CTNNA3: variants seen among roughly 807,000 people sequenced by gnomAD.
The protein encoded by CTNNA3 is catenin alpha-3.
In CTNNA3, 76 loss-of-function variants were observed where a neutral mutation model predicts 95.7. The ratio of observed to expected loss-of-function variants is 0.79; its 90% CI spans 0.66 to 0.96. The LOEUF (loss-of-function observed/expected upper bound fraction) is 0.96. Ranked by LOEUF, CTNNA3 falls within the 40% of genes least tolerant of loss-of-function variation. The pLI, the probability that CTNNA3 is intolerant of heterozygous loss-of-function variation, is 0.00. For synonymous variants in CTNNA3, 431 were observed against 374.4 expected, an observed-to-expected ratio of 1.15 and a Z score of -1.74; for missense variants, 1,191 against 1,089.8, an observed-to-expected ratio of 1.09 and a Z score of -1.31.
intron 7 of CTNNA3, among the ~76,000 whole-genome samples, chr10:67,163,656 A>G (rs1434696722): frequency 1.3e-5 from 2 of 152,018 alleles, no homozygotes; most frequent in Non-Finnish European, 2.9e-5. Flanking sequence ...TAAAAGACAT[A>G]CAGATTTAAA....
chr10:66,497,691 TTGAC>T (rs899495983), intron 11 of CTNNA3, among the ~76,000 whole-genome samples: 16 of 152,202 alleles, frequency 1.1e-4, no homozygotes, highest in Admixed American at 3.9e-4. Flanking sequence ...TAAAGATCAT[TTGAC>T]TGCTGATAGA....
At chr10:67,155,216 A>T (rs540900299) in intron 7 of CTNNA3, among the ~76,000 whole-genome samples, 1 of 152,208 alleles carries the variant, frequency 6.6e-6, no homozygotes, top group African/African-American at 2.4e-5. Flanking sequence ...AGCTCAATAA[A>T]TATTTATCAA....
At chr10:67,522,002 G>A (rs1840003156) in intron 4 of CTNNA3, 41 bp from the exon 5 acceptor site, 1 of 1,579,506 alleles carries the variant, frequency 6.3e-7, no homozygotes, top group Middle Eastern at 1.7e-4. Flanking sequence ...GATAGCAGCA[G>A]ATTTTTCTCA....
chr10:66,276,303 T>C (rs988337785), intron 13 of CTNNA3, among the ~76,000 whole-genome samples: 1 of 152,108 alleles, frequency 6.6e-6, no homozygotes, highest in East Asian at 1.9e-4. Flanking sequence ...ACATGTGAAA[T>C]CTACATTCTG....
intron 12 of CTNNA3, among the ~76,000 whole-genome samples, chr10:66,344,742 C>A (rs2092489412): frequency 6.6e-6 from 1 of 152,008 alleles, no homozygotes; most frequent in Admixed American, 6.6e-5. Flanking sequence ...AAGGAAACAT[C>A]CTTCAGACGA....
chr10:66,285,580 T>A (rs1451637163), intron 12 of CTNNA3, among the ~76,000 whole-genome samples: 1 of 151,870 alleles, frequency 6.6e-6, no homozygotes, highest in Non-Finnish European at 1.5e-5. Context: ...CAAATGTGAC[T>A]ACTTAAATAT....
chr10:66,781,559 T>A (rs1840538271), intron 7 of CTNNA3, among the ~76,000 whole-genome samples: 1 of 152,174 alleles, frequency 6.6e-6, no homozygotes, highest in South Asian at 2.1e-4. Context: ...AGGTCTATAA[T>A]GTGAAAATAC....
chr10:67,670,400 A>G (rs551819905), intron 1 of CTNNA3, among the ~76,000 whole-genome samples: 1 of 152,374 alleles, frequency 6.6e-6, no homozygotes, highest in African/African-American at 2.4e-5. Context: ...AATTTTGCAA[A>G]ACTTGTAATA....
chr10:66,668,432 G>A (rs894486637), intron 9 of CTNNA3, among the ~76,000 whole-genome samples: 35 of 150,438 alleles, frequency 2.3e-4, no homozygotes, highest in Non-Finnish European at 4.3e-4. Flanking sequence ...ATGTGTGTGT[G>A]TGTGTGTGTG....
chr10:67,426,313 TG>T (rs1379188089), intron 5 of CTNNA3, among the ~76,000 whole-genome samples: 1 of 152,036 alleles, frequency 6.6e-6, no homozygotes, highest in African/African-American at 2.4e-5. Context: ...GCAAGAAAGA[TG>T]GATTGAAAGA....
chr10:66,972,779 C>T (rs941962118), intron 7 of CTNNA3, among the ~76,000 whole-genome samples: 4 of 146,218 alleles, frequency 2.7e-5, no homozygotes, highest in South Asian at 2.2e-4. Context: ...GGTGCAATCT[C>T]GGCTCACTGC....
At chr10:67,042,379 T>C (rs548774545) in intron 7 of CTNNA3, among the ~76,000 whole-genome samples, 1 of 152,230 alleles carries the variant, frequency 6.6e-6, no homozygotes, top group Non-Finnish European at 1.5e-5. Flanking sequence ...AGTTTCTGGT[T>C]TGGATAAGCA....
intron 9 of CTNNA3, among the ~76,000 whole-genome samples, chr10:66,750,120 T>C (rs566260131): frequency 1.3e-5 from 2 of 152,204 alleles, no homozygotes; most frequent in Non-Finnish European, 2.9e-5. Flanking sequence ...AATAGTCTTT[T>C]ATGGAATCTA....
At chr10:67,042,254 A>T (rs1177140171) in intron 7 of CTNNA3, among the ~76,000 whole-genome samples, 3 of 152,138 alleles carry the variant, frequency 2.0e-5, no homozygotes, top group Non-Finnish European at 4.4e-5. Flanking sequence ...CCTGAACCCA[A>T]ATGGGCATCT....
At chr10:65,974,413 G>T (rs2078169856) in intron 16 of CTNNA3, among the ~76,000 whole-genome samples, 1 of 152,092 alleles carries the variant, frequency 6.6e-6, no homozygotes, top group Non-Finnish European at 1.5e-5. Context: ...GCCATAAAAA[G>T]GAATGAATGA....
intron 5 of CTNNA3, among the ~76,000 whole-genome samples, chr10:67,468,684 T>C (rs1406022221): frequency 6.6e-6 from 1 of 152,160 alleles, no homozygotes; most frequent in Non-Finnish European, 1.5e-5. Flanking sequence ...GGGATTTTTC[T>C]CTCTTTCCCC....
rs2077013839 is a variant in CTNNA3 at position 65,916,863 on chromosome 10, G to A, written c.*3467C>T. ...GAACACCCTCAAAATGAAGGTTCAGGAAGCCGTTGAAGTCACTTACTCTGT... is the reference window on the plus strand; with the variant it reads ...GAACACCCTCAAAATGAAGGTTCAGAAAGCCGTTGAAGTCACTTACTCTGT... On this transcript the variant is annotated 3_prime_UTR_variant, in exon 18 of 18. Transcript: ENST00000433211. 6.6e-6 allele frequency: 1 copy of A among 152,122 alleles called. No individual in the cohort carries two copies. The highest frequency in any genetic ancestry group is 2.4e-5 in the African/African-American group (1 of 41,428). 9.4% of individuals were successfully genotyped at this position (152,122 alleles called of 1,614,324 possible). A position where few individuals can be genotyped will look rare whatever the true frequency, so the allele number is the denominator to read the frequency against.
chr10:67,378,550 T>A (rs778608334), intron 5 of CTNNA3, among the ~76,000 whole-genome samples: 2 of 152,156 alleles, frequency 1.3e-5, no homozygotes, highest in Non-Finnish European at 2.9e-5. Flanking sequence ...TCTCCTCAGA[T>A]CTGTGAGAAT....
chr10:67,145,067 A>G (rs1225197287), intron 7 of CTNNA3, among the ~76,000 whole-genome samples: 1 of 152,176 alleles, frequency 6.6e-6, no homozygotes, highest in Non-Finnish European at 1.5e-5. Flanking sequence ...AAGGAGAAGG[A>G]GAAAGCTGGA....
Sources: gnomAD v4.1 joint callset for allele counts (sites outside exome capture counted in the v4.1 genomes callset) on GRCh38, gnomAD v4.1.1 for gene constraint, MANE v1.5 for transcripts, NCBI Gene and HGNC (gene_info 2026-07-23, HGNC 2026-07-21) for gene names.